ZFP69B: variants seen among roughly 807,000 people sequenced by gnomAD.
The protein encoded by ZFP69B is zinc finger protein 69 homolog B.
Under a neutral mutation model 19.7 loss-of-function variants are expected in ZFP69B, and 20 were observed. The ratio of observed to expected loss-of-function variants is 1.02; its 90% CI spans 0.71 to 1.48. ZFP69B has a LOEUF of 1.48. ZFP69B is among the 40% of genes most tolerant of loss of function. The pLI, the probability that ZFP69B is intolerant of heterozygous loss-of-function variation, is 0.00. For synonymous variants in ZFP69B, 220 were observed against 222.7 expected (o/e 0.99, Z 0.11); for missense variants, 583 against 632.6 (o/e 0.92, Z 0.84).
intron 1 of ZFP69B, among the ~76,000 whole-genome samples, chr1:40,451,661 G>C (rs374123950): frequency 2.1e-5 from 3 of 145,318 alleles, no homozygotes; most frequent in East Asian, 2.2e-4. Context: ...CGTGGGGGGG[G>C]GGGAATTCAT....
chr1:40,454,695 C>T (rs1490205523), intron 2 of ZFP69B, among the ~76,000 whole-genome samples: 1 of 152,194 alleles, frequency 6.6e-6, no homozygotes, highest in Admixed American at 6.5e-5. Context: ...CCACGCCCAG[C>T]CGATTGGCTT....
chr1:40,454,812 C>T (rs546089572), intron 2 of ZFP69B, among the ~76,000 whole-genome samples: 140 of 152,244 alleles, frequency 9.2e-4, no homozygotes, highest in African/African-American at 3.2e-3. Flanking sequence ...TTTTGCAAAC[C>T]TCTAGCCATT....
At position 40,450,774 on chromosome 1, in the gene ZFP69B, C is replaced by T. The variant is rs1026634039; in HGVS notation, c.-188C>T. The T allele has an allele frequency of 8.2e-6, 4 of 490,526 alleles. No homozygotes were observed. The highest frequency in any genetic ancestry group is 1.3e-5 in the Non-Finnish European group (4 of 316,676). The allele number at this position is 490,526 out of a possible 1,614,324, so 30.4% of individuals were successfully genotyped here. Reference sequence around the variant, plus strand: ...GCCGATGATAGACACAAGTCCAGATCTCGGATTTTGATACTGTATGTTCCC... The same window carrying T: ...GCCGATGATAGACACAAGTCCAGATTTCGGATTTTGATACTGTATGTTCCC... On this transcript the variant is annotated 5_prime_UTR_variant, in exon 1 of 5. Coordinates refer to ENST00000361584, the MANE Select transcript of ZFP69B (RefSeq NM_023070.3).
Position 40,463,679 on chromosome 1 carries a change from T to A in ZFP69B, c.*90T>A. ...CCTCAAAAATCCATTTGTTTTTGGA[T>A]TTCCAAAAACGAACATTAAAAAAAA... On this transcript the variant is annotated 3_prime_UTR_variant, in exon 5 of 5. Transcript: ENST00000361584. 1 of 1,282,492 alleles carries A rather than the reference T, an allele frequency of 7.8e-7. No homozygotes were observed. Among genetic ancestry groups the A allele is most frequent in the Non-Finnish European group, 1.1e-6 (1 of 944,986 alleles). 79.4% of individuals were successfully genotyped at this position (1,282,492 alleles called of 1,614,324 possible).
In ZFP69B at chr1:40,463,187, C is replaced by T; in HGVS notation, c.1203C>T (p.Phe401=). 2 of 1,614,074 alleles carry T rather than the reference C, an allele frequency of 1.2e-6. No individual in the cohort carries two copies. Among genetic ancestry groups the T allele is most frequent in the Non-Finnish European group, 1.7e-6 (2 of 1,180,010 alleles). ...GCAAAGACTGTGGAAAAGCGTTTTT[C>T]CAGATTAGACACCTTAGGCAACATG... ...FTCKDCGKAF[F]QIRHLRQHEI... The change falls in exon 5 of 5, where the codon TTC becomes TTT. Residue 401 remains phenylalanine (F), a synonymous_variant. Transcript: ENST00000361584.
chr1:40,457,564 C>G, intron 4 of ZFP69B, 125 bp downstream of exon 4: 1 of 701,226 alleles, frequency 1.4e-6, no homozygotes, highest in Non-Finnish European at 2.4e-6. Flanking sequence ...ATTCTGTTAT[C>G]TCTGTCACCC....
At chr1:40,456,137 G>T (rs917524703) in intron 2 of ZFP69B, among the ~76,000 whole-genome samples, 1 of 152,080 alleles carries the variant, frequency 6.6e-6, no homozygotes, top group African/African-American at 2.4e-5. Context: ...TGGGATTGCT[G>T]GGTCAAATGG....
intron 1 of ZFP69B, among the ~76,000 whole-genome samples, chr1:40,451,772 A>G (rs993176454): frequency 6.6e-5 from 10 of 152,138 alleles, no homozygotes; most frequent in African/African-American, 2.4e-4. Context: ...GATCCTCTTC[A>G]GTTGGTGAGG....
chr1:40,462,746 C>T lies in ZFP69B; in HGVS notation c.762C>T (p.Asp254=), dbSNP rs1332582026. The change falls in exon 5 of 5, where the codon GAC becomes GAT. Residue 254 remains aspartate, a synonymous_variant. Transcript: ENST00000361584. ...GLPRKRDRKY[D]TPGKRSRYNI... is the part of the protein sequence containing the mutation. ...CAAGAAAAAGAGATCGTAAATATGACACACCTGGAAAGAGAAGCAGATACA... is the reference window on the plus strand; with the variant it reads ...CAAGAAAAAGAGATCGTAAATATGATACACCTGGAAAGAGAAGCAGATACA... 15 of 1,613,982 alleles carry T rather than the reference C, an allele frequency of 9.3e-6. No homozygotes were observed. The highest frequency in any genetic ancestry group is 1.2e-5 in the Non-Finnish European group (14 of 1,180,012).
chr1:40,450,916 T>C lies in ZFP69B; in HGVS notation c.-46T>C, dbSNP rs761569957. The C allele has an allele frequency of 4.0e-6, 6 of 1,490,856 alleles. No homozygotes were observed. The highest frequency in any genetic ancestry group is 5.4e-6 in the Non-Finnish European group (6 of 1,117,528). 92.4% of individuals were successfully genotyped at this position (1,490,856 alleles called of 1,614,324 possible). A position where few individuals can be genotyped will look rare whatever the true frequency, so the allele number is the denominator to read the frequency against. ...TTCCTCATCAGAGGTGGACAAGCCC[T>C]ATGGGCTAAGACAGAGGGTCCTCAG... On this transcript the variant is annotated 5_prime_UTR_variant, in exon 1 of 5. Coordinates refer to ENST00000361584, the MANE Select transcript of ZFP69B (RefSeq NM_023070.3).
chr1:40,450,965 C>T lies in ZFP69B; in HGVS notation c.4C>T (p.Leu2=), dbSNP rs1340377072. ...AGAAAGGAGTGCGGACGCCGTCATG[C>T]TGCAGCAGCTCCTGATCACCCTGCC... M[L]QQLLITLPTE... Residue 2 remains leucine, a synonymous_variant, in exon 1 of 5, where the codon CTG becomes TTG. Coordinates refer to ENST00000361584, the MANE Select transcript of ZFP69B (RefSeq NM_023070.3). The T allele has an allele frequency of 6.5e-7, 1 of 1,548,194 alleles. No individual in the cohort carries two copies. The highest frequency in any genetic ancestry group is 1.2e-5 in the South Asian group (1 of 83,714).
intron 4 of ZFP69B, among the ~76,000 whole-genome samples, chr1:40,458,620 A>G (rs1006130793): frequency 6.6e-6 from 1 of 151,414 alleles, no homozygotes; most frequent in African/African-American, 2.4e-5. Context: ...GGATTCAAGC[A>G]ATTCTCCTAC....
chr1:40,454,110 TG>T (rs1231168721), intron 1 of ZFP69B, 92 bp from the exon 2 acceptor site: 6 of 923,858 alleles, frequency 6.5e-6, no homozygotes, highest in Non-Finnish European at 9.3e-6. Flanking sequence ...TGAACGTTTT[TG>T]GGGAGAAGCC....
At chr1:40,460,140 A>G (rs1440263212) in intron 4 of ZFP69B, among the ~76,000 whole-genome samples, 1 of 152,208 alleles carries the variant, frequency 6.6e-6, no homozygotes, top group Non-Finnish European at 1.5e-5. Context: ...ATATTTGCTG[A>G]GTGTACACAC....
rs1014440963 is a variant in ZFP69B, at chr1:40,463,346, A to G, written c.1362A>G (p.Lys454=). The G allele has an allele frequency of 4.3e-6, 7 of 1,614,084 alleles. No homozygotes were observed. Among genetic ancestry groups the G allele is most frequent in the Non-Finnish European group, 5.9e-6 (7 of 1,180,050 alleles). ...CATATAAATGTAAGGAATGTGGGAA[A>G]GCCTTTAGCCAGAGAATACATCTTT... ...ERPYKCKECG[K]AFSQRIHLSI... is the part of the protein sequence containing the mutation. The change falls in exon 5 of 5, where the codon AAA becomes AAG. Residue 454 remains lysine, a synonymous_variant. Coordinates refer to ENST00000361584, the MANE Select transcript of ZFP69B (RefSeq NM_023070.3).
At chr1:40,460,207 A>G (rs1025048158) in intron 4 of ZFP69B, among the ~76,000 whole-genome samples, 7 of 152,240 alleles carry the variant, frequency 4.6e-5, no homozygotes, top group Admixed American at 1.3e-4. Flanking sequence ...AGGAATATAC[A>G]AGCATTTGTG....
intron 1 of ZFP69B, among the ~76,000 whole-genome samples, chr1:40,451,658 G>GA (rs1489349556): frequency 6.9e-6 from 1 of 145,760 alleles, no homozygotes; most frequent in East Asian, 2.1e-4. Flanking sequence ...AGACGTGGGG[G>GA]GGGGGGAATT....
In ZFP69B at chr1:40,450,938, T is replaced by C; in HGVS notation, c.-24T>C. On this transcript the variant is annotated 5_prime_UTR_variant, in exon 1 of 5. Transcript: ENST00000361584. ...CCCTATGGGCTAAGACAGAGGGTCC[T>C]CAGAAAGGAGTGCGGACGCCGTCAT... 3 of 1,536,450 alleles carry C rather than the reference T, an allele frequency of 2.0e-6. No homozygotes were observed. The highest frequency in any genetic ancestry group is 2.6e-6 in the Non-Finnish European group (3 of 1,139,994).
At chr1:40,460,987 A>C (rs1332460158) in intron 4 of ZFP69B, among the ~76,000 whole-genome samples, 2 of 150,536 alleles carry the variant, frequency 1.3e-5, no homozygotes, top group East Asian at 3.9e-4. Context: ...CTCAAAAAAA[A>C]AAAAAAAAAA....
Sources: allele counts gnomAD v4.1 joint callset (sites outside exome capture counted in the v4.1 genomes callset), GRCh38; gene constraint gnomAD v4.1.1; transcripts MANE v1.5; gene names NCBI Gene and HGNC (gene_info 2026-07-23, HGNC 2026-07-21).